Variants in HMG20A observed in about 807,000 individuals in gnomAD.
HMG20A encodes high mobility group protein 20A.
Under a neutral mutation model 43.9 loss-of-function variants are expected in HMG20A, and 17 were observed. The observed-to-expected ratio is 0.39, with a 90% CI of 0.27 to 0.58. The LOEUF is 0.58. Among genes scored for constraint, HMG20A ranks in the 20% least tolerant of loss-of-function variants. HMG20A has a pLI of 0.59. For synonymous variants in HMG20A, 132 were observed against 147.5 expected (o/e 0.89, Z 0.76); for missense variants, 341 against 438.2 (o/e 0.78, Z 1.98).
chr15:77,508,242 C>T, the HMG20A span, among the ~76,000 whole-genome samples: 1 of 152,104 alleles, frequency 6.6e-6, no homozygotes, highest in Admixed American at 6.5e-5. Context: ...CTCCCAGGTC[C>T]AGCCACTGCC....
At chr15:77,441,109 G>A (rs1486940668) in intron 1 of HMG20A, among the ~76,000 whole-genome samples, 2 of 152,120 alleles carry the variant, frequency 1.3e-5, no homozygotes, top group African/African-American at 2.4e-5. Flanking sequence ...TACTTCTTGA[G>A]ATAACTTCTA....
At chr15:77,505,693 T>G in the HMG20A span, among the ~76,000 whole-genome samples, 3 of 152,248 alleles carry the variant, frequency 2.0e-5, no homozygotes, top group Non-Finnish European at 4.4e-5. Flanking sequence ...AGAAATGTGA[T>G]GCATGCAAGG....
At chr15:77,449,921 C>T (rs2142310318) in intron 1 of HMG20A, among the ~76,000 whole-genome samples, 1 of 152,166 alleles carries the variant, frequency 6.6e-6, no homozygotes, top group South Asian at 2.1e-4. Context: ...GAAAGTTTCA[C>T]TGCCCTAAAA....
chr15:77,461,458 C>G (rs957297641), intron 2 of HMG20A, among the ~76,000 whole-genome samples: 1 of 151,990 alleles, frequency 6.6e-6, no homozygotes, highest in East Asian at 1.9e-4. Flanking sequence ...ATTGGTATTG[C>G]CAGAAAGGAC....
intron 1 of HMG20A, among the ~76,000 whole-genome samples, chr15:77,424,826 T>C (rs1427967802): frequency 6.6e-6 from 1 of 152,212 alleles, no homozygotes; most frequent in African/African-American, 2.4e-5. Flanking sequence ...ACTAAGGTAA[T>C]TTGAATTGTT....
the HMG20A span, among the ~76,000 whole-genome samples, chr15:77,511,716 G>A: frequency 2.6e-5 from 4 of 152,224 alleles, no homozygotes; most frequent in East Asian, 3.9e-4. Context: ...ATGAGATGCC[G>A]CCTCACACCC....
chr15:77,423,556 A>G (rs1416214529), intron 1 of HMG20A, among the ~76,000 whole-genome samples: 2 of 152,154 alleles, frequency 1.3e-5, no homozygotes, highest in Non-Finnish European at 2.9e-5. Context: ...CTTTTTTTCA[A>G]ATACTTGGAT....
chr15:77,484,974 G>C lies in HMG20A; in HGVS notation c.*2011G>C, dbSNP rs1002877006. Reference sequence around the variant, plus strand: ...ATTGCTAGCACTGCTTTTGTGACCAGAAAAGGCCATAACATGGTCCAGGAT... The same window carrying C: ...ATTGCTAGCACTGCTTTTGTGACCACAAAAGGCCATAACATGGTCCAGGAT... On this transcript the variant is annotated 3_prime_UTR_variant, in exon 10 of 10. Transcript: ENST00000336216. The C allele has an allele frequency of 6.6e-6, 1 of 152,232 alleles. No individual in the cohort carries two copies. Among genetic ancestry groups the C allele is most frequent in the African/African-American group, 2.4e-5 (1 of 41,458 alleles). 9.4% of individuals were successfully genotyped at this position (152,232 alleles called of 1,614,324 possible). A position where few individuals can be genotyped will look rare whatever the true frequency, so the allele number is the denominator to read the frequency against.
At chr15:77,455,762 A>G (rs1030034239) in intron 1 of HMG20A, among the ~76,000 whole-genome samples, 1 of 152,202 alleles carries the variant, frequency 6.6e-6, no homozygotes, top group African/African-American at 2.4e-5. Flanking sequence ...GGACATCATC[A>G]GGCACAGATG....
the HMG20A span, among the ~76,000 whole-genome samples, chr15:77,500,263 C>T: frequency 6.6e-6 from 1 of 152,138 alleles, no homozygotes; most frequent in African/African-American, 2.4e-5. Context: ...GTTAAAGGAC[C>T]TAAAGCCACA....
chr15:77,456,374 A>T (rs1438619133), intron 1 of HMG20A, among the ~76,000 whole-genome samples: 1 of 152,116 alleles, frequency 6.6e-6, no homozygotes, highest in Non-Finnish European at 1.5e-5. Context: ...ACTTCTAGGG[A>T]TACTTTTAGA....
At chr15:77,470,408 C>A (rs2072796310) in intron 4 of HMG20A, among the ~76,000 whole-genome samples, 1 of 152,080 alleles carries the variant, frequency 6.6e-6, no homozygotes, top group African/African-American at 2.4e-5. Context: ...TTTGTGTCTC[C>A]CAGCTTCATT....
intron 1 of HMG20A, among the ~76,000 whole-genome samples, chr15:77,442,464 G>A (rs188822782): frequency 7.2e-5 from 11 of 152,144 alleles, no homozygotes; most frequent in Non-Finnish European, 1.3e-4. Context: ...TCCTGGCCTC[G>A]TGCAATTTAA....
At chr15:77,430,344 T>G (rs976903951) in intron 1 of HMG20A, among the ~76,000 whole-genome samples, 4 of 152,230 alleles carry the variant, frequency 2.6e-5, no homozygotes, top group African/African-American at 9.6e-5. Context: ...AAGCTATGGT[T>G]TCCACTTATG....
the HMG20A span, among the ~76,000 whole-genome samples, chr15:77,514,550 TGTGGA>T: frequency 6.6e-6 from 1 of 152,086 alleles, no homozygotes; most frequent in Admixed American, 6.5e-5. Context: ...AAAAGTGAAG[TGTGGA>T]GTGAAGTGTT....
At chr15:77,457,572 A>G (rs1393085147) in intron 1 of HMG20A, among the ~76,000 whole-genome samples, 1 of 152,208 alleles carries the variant, frequency 6.6e-6, no homozygotes, top group Non-Finnish European at 1.5e-5. Context: ...TTTCATAGTG[A>G]TATGCCAAAT....
intron 6 of HMG20A, among the ~76,000 whole-genome samples, chr15:77,476,964 C>T (rs1415080195): frequency 6.6e-6 from 1 of 152,002 alleles, no homozygotes; most frequent in African/African-American, 2.4e-5. Context: ...ATTTCTCGGT[C>T]TCATGTGTTT....
chr15:77,425,697 A>G (rs1363826262), intron 1 of HMG20A, among the ~76,000 whole-genome samples: 1 of 152,214 alleles, frequency 6.6e-6, no homozygotes, highest in African/African-American at 2.4e-5. Context: ...GCATTGTGAG[A>G]GATACCCTCT....
At position 77,434,997 on chromosome 15, in the gene HMG20A, G is replaced by A. The variant is rs140827628; in HGVS notation, c.-5+13993G>A. Among the ~76,000 whole-genome samples the A allele has an allele frequency of 2.0e-3, 302 of 152,210 alleles. 3 individuals carry two copies. The highest frequency in any genetic ancestry group is 1.7e-3 in the East Asian group (9 of 5,174). ...ATCGAAATAGAATGGGTAAACAAATGTTTCTTGTATCTACATGGATGATCA... is the reference window on the plus strand; with the variant it reads ...ATCGAAATAGAATGGGTAAACAAATATTTCTTGTATCTACATGGATGATCA... On this transcript the variant is annotated intron_variant, in intron 1 of 9. Transcript: ENST00000336216.
Sources: gnomAD v4.1 joint callset for allele counts (sites outside exome capture counted in the v4.1 genomes callset) on GRCh38, gnomAD v4.1.1 for gene constraint, MANE v1.5 for transcripts, NCBI Gene and HGNC (gene_info 2026-07-23, HGNC 2026-07-21) for gene names.